Variants in USP47 observed in about 807,000 individuals in gnomAD.
The protein encoded by USP47 is ubiquitin specific peptidase 47.
In USP47, 35 loss-of-function variants were observed where a neutral mutation model predicts 165.1. That is an observed-to-expected ratio of 0.21 (90% CI 0.16 to 0.28). The LOEUF (loss-of-function observed/expected upper bound fraction) is 0.28, where lower values mean the gene tolerates loss of function less well. Among genes scored for constraint, USP47 ranks in the 10% least tolerant of loss-of-function variants. The pLI is 1.00. For synonymous variants in USP47, 531 were observed against 544.5 expected, an observed-to-expected ratio of 0.98 and a Z score of 0.35; for missense variants, 1,277 against 1,607.4, an observed-to-expected ratio of 0.79 and a Z score of 3.52.
chr11:11,870,152 G>A (rs1341602031), intron 1 of USP47, among the ~76,000 whole-genome samples: 2 of 149,922 alleles, frequency 1.3e-5, no homozygotes, highest in African/African-American at 4.9e-5. Context: ...TTAATTTATA[G>A]TATTTTTATT....
At chr11:11,898,055 T>G (rs534387835) in intron 5 of USP47, among the ~76,000 whole-genome samples, 1 of 152,206 alleles carries the variant, frequency 6.6e-6, no homozygotes, top group Admixed American at 6.5e-5. Flanking sequence ...AATTTAAGTA[T>G]CCAAAGTTTT....
chr11:11,846,162 G>C (rs1374969156), intron 1 of USP47, among the ~76,000 whole-genome samples: 2 of 152,066 alleles, frequency 1.3e-5, no homozygotes, highest in Non-Finnish European at 2.9e-5. Context: ...GTATGTCTTT[G>C]AATTGTAGTA....
chr11:11,885,240 C>T (rs1851079777), intron 3 of USP47, among the ~76,000 whole-genome samples: 1 of 151,916 alleles, frequency 6.6e-6, no homozygotes, highest in African/African-American at 2.4e-5. Context: ...GAGGGAGGGG[C>T]CAAGATGGCC....
intron 23 of USP47, 34 bp downstream of exon 23, chr11:11,950,038 GA>G: frequency 6.8e-7 from 1 of 1,466,582 alleles, no homozygotes; most frequent in Middle Eastern, 1.7e-4. Flanking sequence ...GCGATTTGAA[GA>G]AAGACTATGT....
intron 3 of USP47, among the ~76,000 whole-genome samples, chr11:11,886,856 A>T (rs1240665834): frequency 6.6e-6 from 1 of 152,014 alleles, no homozygotes; most frequent in Non-Finnish European, 1.5e-5. Flanking sequence ...AGGCCAGGTC[A>T]CCTACAAACA....
At chr11:11,843,641 A>C (rs1021406424) in intron 1 of USP47, among the ~76,000 whole-genome samples, 3 of 152,230 alleles carry the variant, frequency 2.0e-5, no homozygotes, top group African/African-American at 4.8e-5. Context: ...ATAAAAAACA[A>C]AATTCTTTCT....
At position 11,885,357 on chromosome 11, in the gene USP47, A is replaced by G. The variant is rs113021927; in HGVS notation, c.357+777A>G. Among the ~76,000 whole-genome samples, 304 of 152,314 alleles carry G rather than the reference A, an allele frequency of 2.0e-3. 2 individuals are homozygous for G. The highest frequency in any genetic ancestry group is 7.0e-3 in the African/African-American group (290 of 41,582). On this transcript the variant is annotated intron_variant, in intron 3 of 27. Transcript: ENST00000527733. The stretch of plus-strand genomic sequence containing the variant: ...CCAAGTTCTCGCACTGAGACTGATT[A>G]GGCAAACAACTCAACTCAAAAAGAA...
intron 11 of USP47, among the ~76,000 whole-genome samples, chr11:11,926,010 T>C (rs1854214430): frequency 6.6e-6 from 1 of 152,204 alleles, no homozygotes; most frequent in Non-Finnish European, 1.5e-5. Context: ...CTGTGGTTTT[T>C]TCATTCTGTT....
chr11:11,921,815 G>A (rs1034075051), intron 10 of USP47, among the ~76,000 whole-genome samples: 1 of 151,864 alleles, frequency 6.6e-6, no homozygotes, highest in Non-Finnish European at 1.5e-5. Flanking sequence ...TTTTGGCTCA[G>A]CTGAAGAAGT....
At chr11:11,897,372 A>G (rs927152549) in intron 4 of USP47, among the ~76,000 whole-genome samples, 2 of 152,070 alleles carry the variant, frequency 1.3e-5, no homozygotes, top group Non-Finnish European at 1.5e-5. Flanking sequence ...ACCTCTGGAC[A>G]TATCTATAAC....
chr11:11,921,184 T>C (rs1853809844), intron 10 of USP47, among the ~76,000 whole-genome samples: 1 of 151,790 alleles, frequency 6.6e-6, no homozygotes, highest in Non-Finnish European at 1.5e-5. Context: ...TTATAATCAC[T>C]TAGGCTAATT....
chr11:11,861,289 T>G (rs901088060), intron 1 of USP47, among the ~76,000 whole-genome samples: 2 of 151,942 alleles, frequency 1.3e-5, no homozygotes, highest in Non-Finnish European at 2.9e-5. Context: ...AGAGACGGGG[T>G]TTCACCATGT....
chr11:11,882,900 G>C (rs184621946), intron 2 of USP47, among the ~76,000 whole-genome samples: 1 of 152,142 alleles, frequency 6.6e-6, no homozygotes, highest in Non-Finnish European at 1.5e-5. Flanking sequence ...TTAAATAGCT[G>C]TATGTCAGGA....
chr11:11,844,361 TC>T (rs1425849914), intron 1 of USP47, among the ~76,000 whole-genome samples: 6 of 152,216 alleles, frequency 3.9e-5, no homozygotes, highest in Admixed American at 2.0e-4. Flanking sequence ...TTTTGTGTGA[TC>T]CTTGAAGCTC....
rs141285725 is a variant in USP47, at chr11:11,866,792, T to C, written c.40-13385T>C. On this transcript the variant is annotated intron_variant, in intron 1 of 27. Transcript: ENST00000527733. ...ACAATGAAAGTATCATGCTCCAGTC[T>C]TATGGCCCACACTTTTTCCTATTGA... Among the ~76,000 whole-genome samples, 8 of 152,330 alleles carry C rather than the reference T, an allele frequency of 5.3e-5. No homozygotes were observed. The East Asian group carries it at 1.5e-3, about 29-fold the overall frequency.
intron 8 of USP47, among the ~76,000 whole-genome samples, chr11:11,907,348 T>C (rs549203990): frequency 6.6e-6 from 1 of 152,316 alleles, no homozygotes; most frequent in South Asian, 2.1e-4. Flanking sequence ...CATGCGCTAA[T>C]AGGGCTTGCG....
chr11:11,891,311 G>A (rs982168444), intron 3 of USP47, among the ~76,000 whole-genome samples: 1 of 152,168 alleles, frequency 6.6e-6, no homozygotes, highest in Non-Finnish European at 1.5e-5. Flanking sequence ...TTTTCATTTA[G>A]AAGTTTATTG....
At chr11:11,861,824 A>G (rs1237782419) in intron 1 of USP47, among the ~76,000 whole-genome samples, 1 of 152,178 alleles carries the variant, frequency 6.6e-6, no homozygotes, top group Non-Finnish European at 1.5e-5. Flanking sequence ...TTTATAGTAT[A>G]TAATTTAGAA....
At chr11:11,904,189 T>C (rs1468619987) in intron 7 of USP47, among the ~76,000 whole-genome samples, 1 of 152,308 alleles carries the variant, frequency 6.6e-6, no homozygotes, top group East Asian at 1.9e-4. Flanking sequence ...ATTATTTTCT[T>C]ATGGTGATTT....
Sources: allele counts gnomAD v4.1 joint callset (sites outside exome capture counted in the v4.1 genomes callset), GRCh38; gene constraint gnomAD v4.1.1; transcripts MANE v1.5; gene names NCBI Gene and HGNC (gene_info 2026-07-23, HGNC 2026-07-21).